Variants in TBC1D4 observed in about 807,000 individuals in gnomAD.
TBC1D4 encodes TBC1 domain family member 4.
TBC1D4 carries 121 observed loss-of-function variants against 142.5 expected under a neutral mutation model. The observed-to-expected ratio is 0.85, with a 90% CI of 0.73 to 0.99. The LOEUF is 0.99. TBC1D4 is among the 50% of genes least tolerant of loss of function. The pLI is 0.00. For synonymous variants in TBC1D4, 630 were observed against 628.2 expected (o/e 1.00, Z -0.04); for missense variants, 1,475 against 1,606.6 (o/e 0.92, Z 1.40).
chr13:75,371,434 A>C (rs1883215430), intron 1 of TBC1D4, among the ~76,000 whole-genome samples: 1 of 152,212 alleles, frequency 6.6e-6, no homozygotes, highest in Admixed American at 6.5e-5. Context: ...GGAAAGGCAG[A>C]ATAGAAAGGC....
At chr13:75,304,508 C>T (rs1387768783) in intron 15 of TBC1D4, among the ~76,000 whole-genome samples, 1 of 151,936 alleles carries the variant, frequency 6.6e-6, no homozygotes, top group Non-Finnish European at 1.5e-5. Context: ...CAAATACACA[C>T]ATAATTATTA....
chr13:75,406,537 C>A (rs1018559342), intron 1 of TBC1D4, among the ~76,000 whole-genome samples: 6 of 152,182 alleles, frequency 3.9e-5, no homozygotes, highest in African/African-American at 1.4e-4. Flanking sequence ...CAAATGAAAC[C>A]TCTGACGCTA....
At position 75,356,562 on chromosome 13, in the gene TBC1D4, C is replaced by T. The variant is rs146352512; in HGVS notation, c.1171-311G>A. 3.7e-3 allele frequency among the ~76,000 whole-genome samples: 565 copies of T among 152,290 alleles called. 12 individuals are homozygous for T. Among genetic ancestry groups the T allele is most frequent in the African/African-American group, 0.013 (535 of 41,546 alleles). On this transcript the variant is annotated intron_variant, in intron 3 of 20. Coordinates refer to ENST00000377636, the MANE Select transcript of TBC1D4 (RefSeq NM_014832.5). ...AATGCTACTCCATGTCTGCAAGTAA[C>T]GGAGTTTTCAGTTTACTGTCTTCTT...
chr13:75,415,755 G>A (rs968744841), intron 1 of TBC1D4, among the ~76,000 whole-genome samples: 1 of 152,196 alleles, frequency 6.6e-6, no homozygotes, highest in African/African-American at 2.4e-5. Context: ...AGATGAAAGA[G>A]TTTTGCTTGA....
intron 14 of TBC1D4, among the ~76,000 whole-genome samples, chr13:75,308,900 GCTCTTGCAAA>G (rs1366756168): frequency 1.3e-5 from 2 of 152,066 alleles, no homozygotes. Context: ...TAAAAAATGT[GCTCTTGCAAA>G]CTATATATTG....
At chr13:75,303,212 G>A (rs1484269649) in intron 15 of TBC1D4, among the ~76,000 whole-genome samples, 3 of 152,012 alleles carry the variant, frequency 2.0e-5, no homozygotes, top group Non-Finnish European at 2.9e-5. Context: ...AGCTACTCGC[G>A]AGGCTGAGGT....
intron 1 of TBC1D4, among the ~76,000 whole-genome samples, chr13:75,417,521 G>C (rs1001634379): frequency 1.6e-4 from 25 of 152,234 alleles, no homozygotes; most frequent in African/African-American, 5.5e-4. Flanking sequence ...CCTGGGCTCA[G>C]AATAGAAGGC....
intron 1 of TBC1D4, among the ~76,000 whole-genome samples, chr13:75,425,340 G>A (rs947430414): frequency 2.6e-5 from 4 of 152,188 alleles, no homozygotes; most frequent in Non-Finnish European, 4.4e-5. Flanking sequence ...TTAAGTGTTG[G>A]TGAGGATGTG....
intron 1 of TBC1D4, among the ~76,000 whole-genome samples, chr13:75,373,085 G>A (rs1296656852): frequency 1.3e-5 from 2 of 152,172 alleles, no homozygotes; most frequent in African/African-American, 4.8e-5. Context: ...CAATGAAGTG[G>A]GCCTTGGAAA....
At position 75,315,284 on chromosome 13, in the gene TBC1D4, A is replaced by C. The variant is rs1166561795; in HGVS notation, c.2223-2386T>G. Among the ~76,000 whole-genome samples, 5 of 151,306 alleles carry C rather than the reference A, an allele frequency of 3.3e-5. No homozygotes were observed. In the East Asian group the frequency reaches 9.7e-4, roughly 29 times the overall value. On this transcript the variant is annotated intron_variant, in intron 12 of 20. Coordinates refer to ENST00000377636, the MANE Select transcript of TBC1D4 (RefSeq NM_014832.5). ...GATCGCATCCCTGCACTCCTGCCTG[A>C]GCAACAGGGCAAGACTCTGTCCCAA...
intron 14 of TBC1D4, among the ~76,000 whole-genome samples, chr13:75,307,601 C>T (rs1381472689): frequency 2.6e-5 from 4 of 152,186 alleles, no homozygotes; most frequent in Admixed American, 2.6e-4. Context: ...CTTTGTCATG[C>T]ATCCCAAGTC....
At chr13:75,332,793 G>A (rs1879863413) in intron 8 of TBC1D4, among the ~76,000 whole-genome samples, 1 of 152,166 alleles carries the variant, frequency 6.6e-6, no homozygotes, top group African/African-American at 2.4e-5. Flanking sequence ...TTGCTGCAGG[G>A]CTTCTGTTAA....
chr13:75,455,481 T>C (rs1188019120), intron 1 of TBC1D4, among the ~76,000 whole-genome samples: 1 of 151,970 alleles, frequency 6.6e-6, no homozygotes, highest in Non-Finnish European at 1.5e-5. Context: ...GTGGGACAGG[T>C]CTATAGTCCC....
intron 16 of TBC1D4, among the ~76,000 whole-genome samples, chr13:75,302,032 T>G (rs1222223405): frequency 6.6e-6 from 1 of 152,164 alleles, no homozygotes; most frequent in African/African-American, 2.4e-5. Flanking sequence ...GGCAAAGTTT[T>G]GGGGTGAAAA....
chr13:75,432,494 G>A (rs12867411), intron 1 of TBC1D4, among the ~76,000 whole-genome samples: 1 of 152,034 alleles, frequency 6.6e-6, no homozygotes, highest in South Asian at 2.1e-4. Flanking sequence ...AAGCACTGGG[G>A]ACTAGGAAGA....
chr13:75,465,192 G>A (rs9573553), intron 1 of TBC1D4, among the ~76,000 whole-genome samples: 7,667 of 152,184 alleles, frequency 0.05, 383 homozygotes, highest in East Asian at 0.24. Context: ...CCCAGCAGTC[G>A]GATTCCAGAG....
At chr13:75,342,175 C>T (rs796308760) in intron 5 of TBC1D4, among the ~76,000 whole-genome samples, 111 of 152,128 alleles carry the variant, frequency 7.3e-4, no homozygotes, top group African/African-American at 2.4e-3. Context: ...CCAGCCTGGG[C>T]GACAAAGTGA....
intron 1 of TBC1D4, among the ~76,000 whole-genome samples, chr13:75,430,158 T>C (rs1290505544): frequency 6.6e-6 from 1 of 152,172 alleles, no homozygotes; most frequent in East Asian, 1.9e-4. Context: ...ATTCTCACAA[T>C]ATCTGTAGCT....
intron 1 of TBC1D4, among the ~76,000 whole-genome samples, chr13:75,403,062 C>T (rs1038565492): frequency 3.3e-5 from 5 of 152,160 alleles, no homozygotes; most frequent in African/African-American, 1.2e-4. Flanking sequence ...GCTCCTGGGC[C>T]CCTCTCTCAA....
Sources: allele counts gnomAD v4.1 joint callset (sites outside exome capture counted in the v4.1 genomes callset), GRCh38; gene constraint gnomAD v4.1.1; transcripts MANE v1.5; gene names NCBI Gene and HGNC (gene_info 2026-07-23, HGNC 2026-07-21).